Variants in CTPS2 observed in about 807,000 individuals in gnomAD.
The protein encoded by CTPS2 is CTP synthase II.
A neutral mutation model predicts 46.8 loss-of-function variants in CTPS2; 19 were observed. That is an observed-to-expected ratio of 0.41 (90% CI 0.28 to 0.60). The LOEUF (loss-of-function observed/expected upper bound fraction) is 0.60. Among genes scored for constraint, CTPS2 ranks in the 20% least tolerant of loss-of-function variants. The probability of loss-of-function intolerance (pLI) is 0.35; values close to 1 mark genes in which losing one functional copy is unlikely to be tolerated. For synonymous variants in CTPS2, 151 were observed against 165.2 expected (o/e 0.91, Z 0.66); for missense variants, 286 against 447.6 (o/e 0.64, Z 3.26).
In CTPS2 at chrX:16,588,960, T is replaced by C. The variant is rs925869364; in HGVS notation, c.*857A>G. 9 of 112,310 alleles carry C rather than the reference T, an allele frequency of 8.0e-5. No individual in the cohort carries two copies. Among genetic ancestry groups the C allele is most frequent in the African/African-American group, 2.9e-4 (9 of 30,920 alleles). The allele number at this position is 112,310 out of a possible 1,213,427, so 9.3% of individuals were successfully genotyped here. On this transcript the variant is annotated 3_prime_UTR_variant, in exon 19 of 19. Coordinates refer to ENST00000359276, the MANE Select transcript of CTPS2 (RefSeq NM_175859.3). Reference sequence around the variant, plus strand: ...CAACATGACGCTAGAAGTGGAAAATTCCATAACTGATCTCATGCCAGAAAT... The same window carrying C: ...CAACATGACGCTAGAAGTGGAAAATCCCATAACTGATCTCATGCCAGAAAT...
At chrX:16,647,852 C>T (rs967416945) in intron 13 of CTPS2, among the ~76,000 whole-genome samples, 7 of 111,073 alleles carry the variant, frequency 6.3e-5, no homozygotes, top group Non-Finnish European at 1.1e-4. Context: ...GAGACTGAGG[C>T]GGGCAGATCA....
chrX:16,650,702 C>T (rs1377800683), intron 13 of CTPS2, among the ~76,000 whole-genome samples: 4 of 109,009 alleles, frequency 3.7e-5, no homozygotes, highest in Non-Finnish European at 7.6e-5. Context: ...GACAGGGTCT[C>T]ACCATGTTGG....
chrX:16,592,396 C>T (rs747400715), intron 17 of CTPS2, among the ~76,000 whole-genome samples: 1 of 112,045 alleles, frequency 8.9e-6, no homozygotes, highest in Non-Finnish European at 1.9e-5. Flanking sequence ...GTGAACACAG[C>T]TGTGTATCCC....
At chrX:16,636,220 C>A (rs1364073596) in intron 14 of CTPS2, among the ~76,000 whole-genome samples, 7 of 110,746 alleles carry the variant, frequency 6.3e-5, no homozygotes, top group African/African-American at 2.3e-4. Flanking sequence ...GCCAACGAAA[C>A]CCCGTCTCTA....
intron 2 of CTPS2, among the ~76,000 whole-genome samples, chrX:16,701,426 G>C: frequency 9.1e-6 from 1 of 109,723 alleles, no homozygotes; most frequent in Non-Finnish European, 1.9e-5. Context: ...AGGTGTGGTG[G>C]TGCACACCTG....
At chrX:16,599,854 C>T (rs1929555335) in intron 17 of CTPS2, among the ~76,000 whole-genome samples, 1 of 108,075 alleles carries the variant, frequency 9.3e-6, no homozygotes, top group Non-Finnish European at 1.9e-5. Flanking sequence ...GACCTTGGCT[C>T]ACTGCAACCT....
At chrX:16,710,605 T>C (rs1257992612) in intron 1 of CTPS2, among the ~76,000 whole-genome samples, 2 of 111,488 alleles carry the variant, frequency 1.8e-5, no homozygotes, top group Non-Finnish European at 3.8e-5. Context: ...GGACACCTAA[T>C]TCTTCCTACT....
At chrX:16,700,934 G>A (rs1924502721) in intron 2 of CTPS2, among the ~76,000 whole-genome samples, 1 of 111,815 alleles carries the variant, frequency 8.9e-6, no homozygotes, top group African/African-American at 3.2e-5. Context: ...GCCAAATAGA[G>A]TGACCAACCT....
At chrX:16,648,945 A>T (rs1932463357) in intron 13 of CTPS2, among the ~76,000 whole-genome samples, 1 of 112,019 alleles carries the variant, frequency 8.9e-6, no homozygotes, top group Admixed American at 9.5e-5. Context: ...GTCAGGGAAA[A>T]TTCTATAAGT....
chrX:16,654,695 A>G, intron 13 of CTPS2: 1 of 261,848 alleles, frequency 3.8e-6, no homozygotes, highest in Non-Finnish European at 6.8e-6. Flanking sequence ...TACTGACCTC[A>G]TAACATAATA....
intron 16 of CTPS2, among the ~76,000 whole-genome samples, chrX:16,615,086 G>T (rs1451499333): frequency 9.0e-6 from 1 of 111,414 alleles, no homozygotes; most frequent in African/African-American, 3.3e-5. Flanking sequence ...TGAGGCAGGA[G>T]AATTGCTTGA....
chrX:16,662,715 T>TA (rs1212239519), intron 13 of CTPS2, among the ~76,000 whole-genome samples: 1 of 101,296 alleles, frequency 9.9e-6, no homozygotes, highest in African/African-American at 3.5e-5. Context: ...TTTTTTTTTT[T>TA]AATAAGACTT....
At chrX:16,659,625 C>CAAA (rs60810583) in intron 13 of CTPS2, among the ~76,000 whole-genome samples, 14 of 100,112 alleles carry the variant, frequency 1.4e-4, no homozygotes, top group African/African-American at 5.1e-4. Flanking sequence ...CACAGAATGA[C>CAAA]AAAAAAAAAA....
intron 13 of CTPS2, among the ~76,000 whole-genome samples, chrX:16,653,109 C>CAT (rs770365120): frequency 2.4e-4 from 26 of 109,333 alleles, no homozygotes; most frequent in Middle Eastern, 4.3e-3. Context: ...TTTATATATA[C>CAT]ATATATATAT....
intron 13 of CTPS2, among the ~76,000 whole-genome samples, chrX:16,640,784 T>G (rs188912357): frequency 5.4e-4 from 60 of 111,803 alleles, no homozygotes; most frequent in Admixed American, 3.9e-3. Flanking sequence ...TGTTGTTGTT[T>G]TTTTCCCATA....
At chrX:16,625,509 G>A (rs1260737481) in intron 14 of CTPS2, among the ~76,000 whole-genome samples, 1 of 111,614 alleles carries the variant, frequency 9.0e-6, no homozygotes, top group East Asian at 2.8e-4. Context: ...CTAGGAGTGG[G>A]TGCCTGTGAC....
At chrX:16,684,509 C>CA (rs1334791360) in intron 8 of CTPS2, among the ~76,000 whole-genome samples, 6,667 of 69,741 alleles carry the variant, frequency 0.096, 812 homozygotes, top group African/African-American at 0.24. Context: ...ACTCTGTCTC[C>CA]AAAAAAAAAA....
At chrX:16,664,327 T>C (rs1276079503) in intron 13 of CTPS2, among the ~76,000 whole-genome samples, 1 of 112,079 alleles carries the variant, frequency 8.9e-6, no homozygotes, top group African/African-American at 3.2e-5. Flanking sequence ...AGGAAATATG[T>C]TTATATTAAA....
intron 10 of CTPS2, among the ~76,000 whole-genome samples, chrX:16,676,680 G>T (rs1377088880): frequency 9.0e-6 from 1 of 111,445 alleles, no homozygotes; most frequent in African/African-American, 3.3e-5. Context: ...AGTCTTATTG[G>T]TTGTTTTTGA....
Sources: allele counts gnomAD v4.1 joint callset (sites outside exome capture counted in the v4.1 genomes callset), GRCh38; gene constraint gnomAD v4.1.1; transcripts MANE v1.5; gene names NCBI Gene and HGNC (gene_info 2026-07-23, HGNC 2026-07-21).